Variants in STXBP5 observed in about 807,000 individuals in gnomAD.
The protein encoded by STXBP5 is syntaxin binding protein 5, also known as syntaxin-binding protein 5.
In STXBP5, 50 loss-of-function variants were observed where a neutral mutation model predicts 152.4. The ratio of observed to expected loss-of-function variants is 0.33; its 90% CI spans 0.26 to 0.42. The LOEUF (loss-of-function observed/expected upper bound fraction) is 0.42. Ranked by LOEUF, STXBP5 falls within the 10% of genes least tolerant of loss-of-function variation. STXBP5 has a pLI of 1.00. For synonymous variants in STXBP5, 492 were observed against 494.7 expected (o/e 0.99, Z 0.07); for missense variants, 1,167 against 1,388.6 (o/e 0.84, Z 2.54).
At chr6:147,239,457 C>G (rs1432321078) in intron 4 of STXBP5, among the ~76,000 whole-genome samples, 187 bp downstream of exon 4, 2 of 152,130 alleles carry the variant, frequency 1.3e-5, no homozygotes, top group East Asian at 3.8e-4. Flanking sequence ...TCTTCAGCAA[C>G]CACATAAATT....
chr6:147,324,263 GGT>G (rs1491385332), intron 16 of STXBP5, among the ~76,000 whole-genome samples: 84 of 85,036 alleles, frequency 9.9e-4, no homozygotes, highest in African/African-American at 3.7e-3. Context: ...GTTTTTTTTT[GGT>G]TTTTTTTTTT....
intron 6 of STXBP5, 78 bp from the exon 7 acceptor site, chr6:147,267,006 G>A: frequency 1.7e-6 from 2 of 1,187,964 alleles, no homozygotes; most frequent in African/African-American, 1.5e-5. Context: ...AATGATAGTA[G>A]TTATTTTCAT....
intron 21 of STXBP5, among the ~76,000 whole-genome samples, chr6:147,350,119 A>G (rs1582982055): frequency 6.6e-6 from 1 of 152,272 alleles, no homozygotes; most frequent in East Asian, 1.9e-4. Context: ...CTTTCCAGTC[A>G]TTTTGTGTGT....
rs1786262674 is a variant in STXBP5 at position 147,384,773 on chromosome 6, G to A, written c.*18G>A. On this transcript the variant is annotated 3_prime_UTR_variant, in exon 28 of 28. Transcript: ENST00000321680. The stretch of plus-strand genomic sequence containing the variant: ...AGTTCTGACAACCAGAATCCAATAA[G>A]TCCAACTTCAGCCAGAAGGAAAAAA... 1.2e-6 allele frequency: 2 copies of A among 1,605,502 alleles called. No homozygotes were observed. The highest frequency in any genetic ancestry group is 2.3e-5 in the South Asian group (2 of 88,864).
chr6:147,307,499 T>C (rs1423575365), intron 9 of STXBP5, among the ~76,000 whole-genome samples: 1 of 152,162 alleles, frequency 6.6e-6, no homozygotes, highest in Non-Finnish European at 1.5e-5. Context: ...TAATTTTTGC[T>C]GTGAAGTGCT....
At chr6:147,325,658 A>G (rs1311376420) in intron 17 of STXBP5, among the ~76,000 whole-genome samples, 1 of 152,192 alleles carries the variant, frequency 6.6e-6, no homozygotes, top group African/African-American at 2.4e-5. Flanking sequence ...TTCTTGTTTC[A>G]GAAATCAACA....
chr6:147,335,186 A>G (rs1005312740), intron 19 of STXBP5, among the ~76,000 whole-genome samples: 1 of 152,218 alleles, frequency 6.6e-6, no homozygotes. Flanking sequence ...CTAATAAAAC[A>G]TATGGAGGAA....
At chr6:147,358,803 G>A (rs1784926542) in intron 22 of STXBP5, among the ~76,000 whole-genome samples, 1 of 151,826 alleles carries the variant, frequency 6.6e-6, no homozygotes, top group Admixed American at 6.6e-5. Flanking sequence ...TCATCCCAAA[G>A]GTGGTTTTTC....
At chr6:147,372,144 G>T (rs778374022) in intron 25 of STXBP5, among the ~76,000 whole-genome samples, 8 of 152,070 alleles carry the variant, frequency 5.3e-5, no homozygotes, top group Non-Finnish European at 1.0e-4. Context: ...AAATAAAAAC[G>T]TAAGAGCTTC....
At chr6:147,278,339 AT>A in intron 8 of STXBP5, 135 bp downstream of exon 8, 1 of 861,862 alleles carries the variant, frequency 1.2e-6, no homozygotes, top group Non-Finnish European at 1.6e-6. Context: ...GGAATTAAAA[AT>A]ATTTACACTT....
At chr6:147,237,349 A>G (rs1048288976) in intron 3 of STXBP5, among the ~76,000 whole-genome samples, 10 of 152,098 alleles carry the variant, frequency 6.6e-5, no homozygotes, top group African/African-American at 2.4e-4. Context: ...AAATCTGACA[A>G]TTAGGTGCAC....
chr6:147,339,296 TG>T, intron 20 of STXBP5, 40 bp from the exon 21 acceptor site: 1 of 1,512,868 alleles, frequency 6.6e-7, no homozygotes, highest in Non-Finnish European at 8.8e-7. Context: ...TAGTTTACTT[TG>T]ACTAGATTTT....
At chr6:147,314,717 A>G in intron 14 of STXBP5, 81 bp downstream of exon 14, 1 of 1,031,186 alleles carries the variant, frequency 9.7e-7, no homozygotes, top group South Asian at 1.9e-5. Context: ...ATAATTGCAT[A>G]ACCAATATTT....
intron 2 of STXBP5, among the ~76,000 whole-genome samples, chr6:147,224,077 C>T (rs971121680): frequency 1.4e-4 from 22 of 152,146 alleles, no homozygotes; most frequent in African/African-American, 4.6e-4. Context: ...GTCAAGAGAA[C>T]GAGCAATATA....
chr6:147,306,278 A>T (rs987048188), intron 9 of STXBP5, among the ~76,000 whole-genome samples: 10 of 152,182 alleles, frequency 6.6e-5, no homozygotes, highest in Non-Finnish European at 1.3e-4. Context: ...CAGAGCTAGA[A>T]CATGCAAAGC....
At position 147,276,002 on chromosome 6, in the gene STXBP5, A is replaced by T. The variant is rs73584535; in HGVS notation, c.715-2079A>T. On this transcript the variant is annotated intron_variant, in intron 7 of 27. Coordinates refer to ENST00000321680, the MANE Select transcript of STXBP5 (RefSeq NM_001127715.4). ...ATATCTTCTCCCATGAATTATTCAG[A>T]TTTGCTCCTAACCCACCTTGCTTCT... Among the ~76,000 whole-genome samples, 624 of 152,196 alleles carry T rather than the reference A, an allele frequency of 4.1e-3. 4 individuals carry two copies. The highest frequency in any genetic ancestry group is 0.014 in the African/African-American group (595 of 41,550).
intron 21 of STXBP5, among the ~76,000 whole-genome samples, chr6:147,349,877 G>A (rs994006394): frequency 3.9e-5 from 6 of 152,132 alleles, no homozygotes; most frequent in Non-Finnish European, 2.9e-5. Flanking sequence ...TTGATAGCTA[G>A]AATTAACACA....
intron 9 of STXBP5, among the ~76,000 whole-genome samples, chr6:147,298,322 C>T (rs1447543716): frequency 3.9e-5 from 6 of 151,902 alleles, no homozygotes; most frequent in African/African-American, 1.4e-4. Flanking sequence ...ATGCATTGAA[C>T]ACTAGAGCAC....
intron 22 of STXBP5, among the ~76,000 whole-genome samples, chr6:147,355,587 A>G (rs1190528304): frequency 6.6e-6 from 1 of 152,132 alleles, no homozygotes; most frequent in Non-Finnish European, 1.5e-5. Context: ...GGAGTTGCCT[A>G]ACAGAAAGTT....
Sources: gnomAD v4.1 joint callset for allele counts (sites outside exome capture counted in the v4.1 genomes callset) on GRCh38, gnomAD v4.1.1 for gene constraint, MANE v1.5 for transcripts, NCBI Gene and HGNC (gene_info 2026-07-23, HGNC 2026-07-21) for gene names.